The following CTNNA3 variants were observed in gnomAD, a reference collection of about 807,000 sequenced individuals.
The protein encoded by CTNNA3 is catenin alpha-3.
Under a neutral mutation model 95.7 loss-of-function variants are expected in CTNNA3, and 76 were observed. That is an observed-to-expected ratio of 0.79 (90% CI 0.66 to 0.96). CTNNA3 has a LOEUF of 0.96. Among genes scored for constraint, CTNNA3 ranks in the 40% least tolerant of loss-of-function variants. The pLI, the probability that CTNNA3 is intolerant of heterozygous loss-of-function variation, is 0.00. For synonymous variants in CTNNA3, 431 were observed against 374.4 expected (o/e 1.15, Z -1.74); for missense variants, 1,191 against 1,089.8 (o/e 1.09, Z -1.31).
chr10:66,318,877 T>C (rs746216330), intron 12 of CTNNA3, among the ~76,000 whole-genome samples: 23 of 152,010 alleles, frequency 1.5e-4, no homozygotes, highest in Non-Finnish European at 3.1e-4. Flanking sequence ...CACAGTGGTA[T>C]TTCAACTTCA....
intron 7 of CTNNA3, among the ~76,000 whole-genome samples, chr10:67,008,498 AT>A (rs1202852732): frequency 2.0e-5 from 3 of 151,160 alleles, no homozygotes; most frequent in Non-Finnish European, 3.0e-5. Context: ...TGGCTATTCA[AT>A]TTTTTTTTAC....
chr10:66,700,073 A>G (rs1200031475), intron 9 of CTNNA3, among the ~76,000 whole-genome samples: 1 of 152,012 alleles, frequency 6.6e-6, no homozygotes, highest in African/African-American at 2.4e-5. Context: ...GATAGTTTGC[A>G]AACATTTTTT....
At chr10:66,162,176 A>G (rs1232896171) in intron 13 of CTNNA3, among the ~76,000 whole-genome samples, 3 of 151,944 alleles carry the variant, frequency 2.0e-5, no homozygotes, top group Admixed American at 6.6e-5. Context: ...TTCATTTAAT[A>G]ACTAACCTCC....
intron 7 of CTNNA3, among the ~76,000 whole-genome samples, chr10:66,852,942 G>C (rs1174186696): frequency 6.6e-6 from 1 of 152,044 alleles, no homozygotes. Flanking sequence ...AAAATAAAAA[G>C]CAGCTTTGAG....
At chr10:67,517,942 GC>G (rs2133148919) in intron 5 of CTNNA3, among the ~76,000 whole-genome samples, 1 of 152,108 alleles carries the variant, frequency 6.6e-6, no homozygotes, top group South Asian at 2.1e-4. Flanking sequence ...TAAGAAAATG[GC>G]TTATGAGAAT....
intron 5 of CTNNA3, among the ~76,000 whole-genome samples, chr10:67,322,689 T>C (rs1242455928): frequency 1.3e-5 from 2 of 152,218 alleles, no homozygotes; most frequent in African/African-American, 4.8e-5. Context: ...AGCACACAAG[T>C]GCATGCATCT....
intron 7 of CTNNA3, among the ~76,000 whole-genome samples, chr10:67,142,847 G>A (rs1411015247): frequency 6.6e-6 from 1 of 152,070 alleles, no homozygotes; most frequent in Non-Finnish European, 1.5e-5. Flanking sequence ...CAGGGGAATC[G>A]CTTGAACCCG....
chr10:66,340,267 G>A (rs2092440095), intron 12 of CTNNA3, among the ~76,000 whole-genome samples: 1 of 151,768 alleles, frequency 6.6e-6, no homozygotes, highest in Admixed American at 6.6e-5. Context: ...TATAAAAAGT[G>A]TCAACTCTAC....
chr10:67,255,905 C>A (rs1164100877), intron 5 of CTNNA3, among the ~76,000 whole-genome samples: 1 of 152,092 alleles, frequency 6.6e-6, no homozygotes, highest in East Asian at 1.9e-4. Context: ...TCTTCTAATT[C>A]TTGCAATACA....
At position 66,927,366 on chromosome 10, in the gene CTNNA3, T is replaced by C. The variant is rs1564772093; in HGVS notation, c.1048-151842A>G. ...ATAATCAGCTGCATTCTCTGGGATCTGAACAGTTTCGGGGCTTGCGGAAGC... is the reference window on the plus strand; with the variant it reads ...ATAATCAGCTGCATTCTCTGGGATCCGAACAGTTTCGGGGCTTGCGGAAGC... On this transcript the variant is annotated intron_variant, in intron 7 of 17. Transcript: ENST00000433211. The surrounding 1 kb of genome is among the most constrained non-coding windows in gnomAD (Gnocchi z 4.7). The C allele has an allele frequency of 6.2e-7, 1 of 1,614,210 alleles. No individual in the cohort carries two copies. Among genetic ancestry groups the C allele is most frequent in the Admixed American group, 1.7e-5 (1 of 60,030 alleles).
chr10:66,955,091 G>A (rs1848719372), intron 7 of CTNNA3, among the ~76,000 whole-genome samples: 1 of 152,100 alleles, frequency 6.6e-6, no homozygotes, highest in Non-Finnish European at 1.5e-5. Context: ...CAACAAAATA[G>A]AAGGAAGACT....
intron 9 of CTNNA3, among the ~76,000 whole-genome samples, chr10:66,741,786 C>T (rs1341464113): frequency 6.6e-6 from 1 of 152,214 alleles, no homozygotes; most frequent in African/African-American, 2.4e-5. Context: ...TTACTGCAAT[C>T]TCTGAACATA....
chr10:66,103,156 C>A lies in CTNNA3; in HGVS notation c.1977+1G>T. 1 of 1,611,966 alleles carries A rather than the reference C, an allele frequency of 6.2e-7. No homozygotes were observed. Among genetic ancestry groups the A allele is most frequent in the Non-Finnish European group, 8.5e-7 (1 of 1,178,038 alleles). ...TTCTCCCACCAGTTGAAGTGACATA[C>A]CCTATCAGTTTTCCCTTCGGTCTGA... On this transcript the variant is annotated splice_donor_variant, in intron 14 of 17. Coordinates refer to ENST00000433211, the MANE Select transcript of CTNNA3 (RefSeq NM_013266.4). LOFTEE classifies it high-confidence loss of function.
chr10:66,425,751 T>C (rs975229672), intron 11 of CTNNA3, among the ~76,000 whole-genome samples: 1 of 152,044 alleles, frequency 6.6e-6, no homozygotes, highest in Non-Finnish European at 1.5e-5. Flanking sequence ...CAAAGTTTAA[T>C]GTATACAATG....
intron 12 of CTNNA3, among the ~76,000 whole-genome samples, chr10:66,292,979 T>C (rs1021770988): frequency 6.6e-6 from 1 of 152,176 alleles, no homozygotes; most frequent in African/African-American, 2.4e-5. Context: ...CCTCCTTCTA[T>C]CCTTCTATGC....
intron 10 of CTNNA3, among the ~76,000 whole-genome samples, chr10:66,555,170 A>G (rs1289312273): frequency 1.3e-5 from 2 of 152,102 alleles, no homozygotes; most frequent in African/African-American, 4.8e-5. Flanking sequence ...CTTCACTTTT[A>G]TTCTTACATG....
intron 11 of CTNNA3, among the ~76,000 whole-genome samples, chr10:66,412,416 C>T (rs894363109): frequency 1.3e-5 from 2 of 149,528 alleles, no homozygotes; most frequent in African/African-American, 2.4e-5. Flanking sequence ...AGAAAGATAG[C>T]TTAAAAAGTA....
intron 9 of CTNNA3, among the ~76,000 whole-genome samples, chr10:66,737,298 A>AT (rs1328607690): frequency 6.6e-6 from 1 of 152,096 alleles, no homozygotes; most frequent in Non-Finnish European, 1.5e-5. Context: ...TTCTCTGGGA[A>AT]TTTTTTTAAC....
rs556386235 is a variant in CTNNA3, at chr10:66,999,513, A to AGCTTCAATCACTATTGTCTCTC, written c.1047+180782_1047+180803dup. Among the ~76,000 whole-genome samples, 1,398 of 152,200 alleles carry AGCTTCAATCACTATTGTCTCTC rather than the reference A, an allele frequency of 9.2e-3. 40 individuals carry two copies. In the East Asian group the frequency reaches 0.11, roughly 12 times the overall value. On this transcript the variant is annotated intron_variant, in intron 7 of 17. Coordinates refer to ENST00000433211, the MANE Select transcript of CTNNA3 (RefSeq NM_013266.4). ...ATTATGCCATAAAATCCATTCTTCT[A>AGCTTCAATCACTATTGTCTCTC]GCTTCAATCACTATTGTCTCTCTTT...
Sources: allele counts gnomAD v4.1 joint callset (sites outside exome capture counted in the v4.1 genomes callset), GRCh38; gene constraint gnomAD v4.1.1; non-coding constraint Gnocchi (gnomAD v3.1); transcripts MANE v1.5; gene names NCBI Gene and HGNC (gene_info 2026-07-23, HGNC 2026-07-21).